Variants in KATNAL2 observed in about 807,000 individuals in gnomAD.
The protein encoded by KATNAL2 is katanin catalytic subunit A1 like 2.
KATNAL2 carries 52 observed loss-of-function variants against 76.3 expected under a neutral mutation model. The ratio of observed to expected loss-of-function variants is 0.68; its 90% CI spans 0.55 to 0.86. The LOEUF is 0.86. Among genes scored for constraint, KATNAL2 ranks in the 40% least tolerant of loss-of-function variants. The pLI, the probability that KATNAL2 is intolerant of heterozygous loss-of-function variation, is 0.00. For missense variants in KATNAL2, 660 were observed against 668.9 expected (o/e 0.99, Z 0.15); for synonymous variants, 243 against 244.2 (o/e 1.00, Z 0.05).
chr18:47,083,418 A>G (rs770941432), intron 15 of KATNAL2, among the ~76,000 whole-genome samples: 15 of 152,214 alleles, frequency 9.9e-5, no homozygotes, highest in Non-Finnish European at 8.8e-5. Flanking sequence ...AGTTAGTGGC[A>G]GTTCTCATCT....
chr18:46,946,987 C>A, intron 3 of KATNAL2, 64 bp downstream of exon 3: 2 of 1,130,544 alleles, frequency 1.8e-6, no homozygotes, highest in South Asian at 1.3e-5. Context: ...TGCTGCGGGA[C>A]GATTCCGAGT....
chr18:47,067,053 G>A lies in KATNAL2; in HGVS notation c.759G>A (p.Trp253Ter), dbSNP rs1351132891. The A allele has an allele frequency of 1.3e-6, 2 of 1,591,286 alleles. No individual in the cohort carries two copies. Among genetic ancestry groups the A allele is most frequent in the South Asian group, 2.3e-5 (2 of 87,578 alleles). Reference sequence around the variant, plus strand: ...ATCTCCATAATCCAAACATAAAGTGGAATGACATTATTGGACTTGATGCAG... The same window carrying A: ...ATCTCCATAATCCAAACATAAAGTGAAATGACATTATTGGACTTGATGCAG... ...DIYLHNPNIK[W>*]NDIIGLDAAK... The change falls in exon 11 of 18, where the codon TGG (tryptophan) becomes TGA (stop). Residue 253 changes from tryptophan to a stop codon, truncating the protein, a stop_gained. Coordinates refer to ENST00000683218, the MANE Select transcript of KATNAL2 (RefSeq NM_001387690.1). LOFTEE classifies it high-confidence loss of function.
chr18:47,060,409 A>G (rs764757224), intron 8 of KATNAL2, among the ~76,000 whole-genome samples: 2 of 152,208 alleles, frequency 1.3e-5, no homozygotes, highest in Non-Finnish European at 1.5e-5. Flanking sequence ...ATGAAACATC[A>G]GTTGATACAG....
At chr18:46,936,584 T>C (rs1170128239) in intron 1 of KATNAL2, among the ~76,000 whole-genome samples, 2 of 152,014 alleles carry the variant, frequency 1.3e-5, no homozygotes, top group African/African-American at 4.8e-5. Context: ...AAATGAATAA[T>C]CTAGGGGTCA....
intron 15 of KATNAL2, among the ~76,000 whole-genome samples, chr18:47,086,264 C>G (rs960728163): frequency 1.3e-5 from 2 of 152,184 alleles, no homozygotes; most frequent in African/African-American, 4.8e-5. Context: ...TCACCCTGAT[C>G]TGATGAATGC....
chr18:47,081,723 TG>T (rs529859897), intron 15 of KATNAL2, among the ~76,000 whole-genome samples: 5 of 152,136 alleles, frequency 3.3e-5, no homozygotes, highest in South Asian at 2.1e-4. Flanking sequence ...TACTGTTAGG[TG>T]TGGTCAAGGC....
chr18:46,918,265 G>T (rs1357127482), intron 1 of KATNAL2, among the ~76,000 whole-genome samples: 1 of 152,146 alleles, frequency 6.6e-6, no homozygotes, highest in Non-Finnish European at 1.5e-5. Flanking sequence ...CAGAAAAATC[G>T]CTGGACGGTG....
At chr18:47,033,545 TG>T (rs767010391) in intron 3 of KATNAL2, 2 of 1,614,110 alleles carry the variant, frequency 1.2e-6, no homozygotes, top group Non-Finnish European at 1.7e-6. Context: ...AGTGCGTGAT[TG>T]TCTTTCTTTC....
intron 4 of KATNAL2, among the ~76,000 whole-genome samples, chr18:47,048,653 G>T (rs1487726437): frequency 1.3e-5 from 2 of 152,092 alleles, no homozygotes; most frequent in African/African-American, 4.8e-5. Context: ...TGACAAGCCA[G>T]ACAGTCTGCA....
At chr18:47,089,160 T>C (rs905307543) in intron 15 of KATNAL2, among the ~76,000 whole-genome samples, 4 of 152,170 alleles carry the variant, frequency 2.6e-5, no homozygotes, top group African/African-American at 4.8e-5. Flanking sequence ...CAAACACCCC[T>C]AATCAGCCAT....
In KATNAL2 at chr18:47,075,321, C is replaced by T; in HGVS notation, c.1053C>T (p.Phe351=). 1.3e-6 allele frequency: 2 copies of T among 1,560,712 alleles called. No homozygotes were observed. Among genetic ancestry groups the T allele is most frequent in the Non-Finnish European group, 1.7e-6 (2 of 1,158,152 alleles). The part of the protein sequence containing the change: ...LARYHAPSTI[F]LDELESVMSQ... ...GCTACCACGCCCCATCCACGATCTT[C>T]CTGGACGAGCTGGAGTCGGTGATGA... is the stretch of plus-strand genomic sequence containing the variant. The change falls in exon 14 of 18, where the codon TTC becomes TTT. Residue 351 remains phenylalanine (F), a synonymous_variant. Coordinates refer to ENST00000683218, the MANE Select transcript of KATNAL2 (RefSeq NM_001387690.1).
intron 16 of KATNAL2, among the ~76,000 whole-genome samples, 187 bp from the exon 17 acceptor site, chr18:47,100,067 G>T (rs966080470): frequency 6.6e-6 from 1 of 151,910 alleles, no homozygotes; most frequent in African/African-American, 2.4e-5. Context: ...CAGCTGCTTA[G>T]GTTATCCCAA....
Position 46,946,275 on chromosome 18 carries a change from G to C in KATNAL2, c.-291G>C, listed in dbSNP as rs968463507. The C allele has an allele frequency of 1.6e-5, 17 of 1,087,004 alleles. No individual in the cohort carries two copies. The highest frequency in any genetic ancestry group is 1.9e-5 in the Non-Finnish European group (17 of 886,902). The allele number at this position is 1,087,004 out of a possible 1,614,324, so 67.3% of individuals were successfully genotyped here. ...TGTTTTTCCACGTCTAATGAGAACA[G>C]GTCTGATGTGAAAGGAATTGGAGGA... is the stretch of plus-strand genomic sequence containing the variant. On this transcript the variant is annotated 5_prime_UTR_variant, in exon 2 of 18. Coordinates refer to ENST00000683218, the MANE Select transcript of KATNAL2 (RefSeq NM_001387690.1).
intron 4 of KATNAL2, among the ~76,000 whole-genome samples, chr18:47,049,343 G>C (rs1346417658): frequency 3.9e-5 from 6 of 152,108 alleles, no homozygotes; most frequent in Non-Finnish European, 8.8e-5. Context: ...ATAGGATTTG[G>C]GTTTTATTCT....
chr18:47,050,664 C>T (rs2061314784), intron 4 of KATNAL2, among the ~76,000 whole-genome samples: 1 of 152,158 alleles, frequency 6.6e-6, no homozygotes, highest in African/African-American at 2.4e-5. Context: ...AATGAGTGGA[C>T]TGTCAAAACG....
chr18:47,046,942 A>G (rs188131294), intron 4 of KATNAL2, among the ~76,000 whole-genome samples: 2 of 151,856 alleles, frequency 1.3e-5, no homozygotes, highest in African/African-American at 4.8e-5. Flanking sequence ...CCAGACATAC[A>G]CTTTTTTTTT....
intron 15 of KATNAL2, among the ~76,000 whole-genome samples, chr18:47,085,906 T>C (rs1173558934): frequency 6.6e-6 from 1 of 152,076 alleles, no homozygotes; most frequent in African/African-American, 2.4e-5. Flanking sequence ...ATGGACAACA[T>C]AGCAAGACCT....
chr18:46,941,902 C>T (rs1599382515), intron 1 of KATNAL2, among the ~76,000 whole-genome samples: 1 of 152,086 alleles, frequency 6.6e-6, no homozygotes, highest in South Asian at 2.1e-4. Context: ...CAATGGTGAG[C>T]GCACACTTGG....
intron 1 of KATNAL2, among the ~76,000 whole-genome samples, chr18:46,931,102 G>A (rs1398344963): frequency 5.5e-5 from 2 of 36,644 alleles, no homozygotes; most frequent in Non-Finnish European, 1.3e-4. Context: ...TCCGTCTCAG[G>A]AAATAATAAT....
Sources: gnomAD v4.1 joint callset for allele counts (sites outside exome capture counted in the v4.1 genomes callset) on GRCh38, gnomAD v4.1.1 for gene constraint, MANE v1.5 for transcripts, NCBI Gene and HGNC (gene_info 2026-07-23, HGNC 2026-07-21) for gene names.